GABRA2: variants seen among roughly 807,000 people sequenced by gnomAD.
The protein encoded by GABRA2 is gamma-aminobutyric acid receptor subunit alpha-2.
GABRA2 carries 16 observed loss-of-function variants against 48.7 expected under a neutral mutation model. That is an observed-to-expected ratio of 0.33 (90% CI 0.22 to 0.50). GABRA2 has a LOEUF of 0.50. Among genes scored for constraint, GABRA2 ranks in the 20% least tolerant of loss-of-function variants. The pLI, the probability that GABRA2 is intolerant of heterozygous loss-of-function variation, is 0.98. For missense variants in GABRA2, 275 were observed against 535.6 expected (o/e 0.51, Z 4.80); for synonymous variants, 185 against 184.5 (o/e 1.00, Z -0.02).
intron 8 of GABRA2, among the ~76,000 whole-genome samples, chr4:46,283,010 A>T (rs930282525): frequency 1.3e-5 from 2 of 152,342 alleles, no homozygotes; most frequent in South Asian, 2.1e-4. Flanking sequence ...CCAGGTTTTG[A>T]ACCAAGATAC....
At chr4:46,311,082 T>C (rs1727570501) in intron 5 of GABRA2, among the ~76,000 whole-genome samples, 1 of 152,204 alleles carries the variant, frequency 6.6e-6, no homozygotes, top group East Asian at 1.9e-4. Context: ...TATTCCAAAA[T>C]TATATATGTC....
At chr4:46,290,073 G>A (rs1723328466) in intron 8 of GABRA2, among the ~76,000 whole-genome samples, 1 of 137,362 alleles carries the variant, frequency 7.3e-6, no homozygotes, top group Non-Finnish European at 1.6e-5. Flanking sequence ...CACCGTGCCC[G>A]GCTCATTTTT....
At chr4:46,363,370 A>G (rs1713527024) in intron 3 of GABRA2, among the ~76,000 whole-genome samples, 1 of 152,118 alleles carries the variant, frequency 6.6e-6, no homozygotes. Context: ...AATCAAATAC[A>G]TAGAAGGGCA....
intron 8 of GABRA2, among the ~76,000 whole-genome samples, chr4:46,269,611 G>C (rs1247132173): frequency 6.6e-6 from 1 of 151,644 alleles, no homozygotes; most frequent in African/African-American, 2.4e-5. Flanking sequence ...TATAAACGTA[G>C]TAAAAAAAAT....
At chr4:46,341,431 G>A (rs1336264460) in intron 3 of GABRA2, among the ~76,000 whole-genome samples, 1 of 152,042 alleles carries the variant, frequency 6.6e-6, no homozygotes, top group African/African-American at 2.4e-5. Flanking sequence ...GTATGTTGCT[G>A]TTTGTTGCTG....
intron 4 of GABRA2, among the ~76,000 whole-genome samples, chr4:46,326,449 A>T (rs1054917031): frequency 1.3e-5 from 2 of 151,274 alleles, no homozygotes; most frequent in Non-Finnish European, 2.9e-5. Context: ...CAGATATCTG[A>T]TGAAAGCACA....
chr4:46,294,498 G>A (rs1198898296), intron 8 of GABRA2, among the ~76,000 whole-genome samples: 1 of 152,188 alleles, frequency 6.6e-6, no homozygotes, highest in African/African-American at 2.4e-5. Context: ...CATTTATTGA[G>A]TGACCTGAAA....
At chr4:46,359,546 T>G (rs1042169033) in intron 3 of GABRA2, among the ~76,000 whole-genome samples, 5 of 152,166 alleles carry the variant, frequency 3.3e-5, no homozygotes, top group Admixed American at 6.5e-5. Context: ...GGAAATATCT[T>G]TAGTGAGCTC....
rs1714138644 is a variant in GABRA2, at chr4:46,248,559, T to C, written c.*1749A>G. The C allele has an allele frequency of 6.6e-6, 1 of 151,436 alleles. No individual in the cohort carries two copies. Among genetic ancestry groups the C allele is most frequent in the Non-Finnish European group, 1.5e-5 (1 of 67,632 alleles). The allele number at this position is 151,436 out of a possible 1,614,324, so 9.4% of individuals were successfully genotyped here. A position where few individuals can be genotyped will look rare whatever the true frequency, so the allele number is the denominator to read the frequency against. ...AAATTCCGTTAATAAGTTGCATTTGTGACCTTGGTTTTATACAAGCATGCA... is the reference window on the plus strand; with the variant it reads ...AAATTCCGTTAATAAGTTGCATTTGCGACCTTGGTTTTATACAAGCATGCA... On this transcript the variant is annotated 3_prime_UTR_variant, in exon 10 of 10. Transcript: ENST00000381620.
At position 46,250,163 on chromosome 4, in the gene GABRA2, A is replaced by T. The variant is rs1560424955; in HGVS notation, c.*145T>A. The T allele has an allele frequency of 1.5e-6, 1 of 667,024 alleles. No individual in the cohort carries two copies. Among genetic ancestry groups the T allele is most frequent in the East Asian group, 2.6e-5 (1 of 37,970 alleles). 41.3% of individuals were successfully genotyped at this position (667,024 alleles called of 1,614,324 possible). A position where few individuals can be genotyped will look rare whatever the true frequency, so the allele number is the denominator to read the frequency against. ...CATGAGTTAGCAAATGCATGTCTCC[A>T]TTAAAGGTCTACTGGTAAGCTATGT... is the stretch of plus-strand genomic sequence containing the variant. On this transcript the variant is annotated 3_prime_UTR_variant, in exon 10 of 10. Transcript: ENST00000381620.
intron 3 of GABRA2, among the ~76,000 whole-genome samples, chr4:46,354,663 A>T (rs770525233): frequency 5.6e-4 from 86 of 152,282 alleles, no homozygotes; most frequent in Non-Finnish European, 1.1e-3. Flanking sequence ...AAAATGAGCC[A>T]GGTGGCTTTT....
chr4:46,347,469 G>C (rs1734335642), intron 3 of GABRA2, among the ~76,000 whole-genome samples: 1 of 151,718 alleles, frequency 6.6e-6, no homozygotes, highest in South Asian at 2.1e-4. Context: ...ATTGAACAAA[G>C]GTTTGAAGAA....
At chr4:46,389,341 C>T (rs1717917215) in intron 1 of GABRA2, 4 of 985,420 alleles carry the variant, frequency 4.1e-6, no homozygotes, top group East Asian at 2.3e-4. Flanking sequence ...GTCTTAGAGG[C>T]AGCCGGGTTC....
In GABRA2 at chr4:46,367,739, A is replaced by G. The variant is rs546824267; in HGVS notation, c.187+18335T>C. The G allele has an allele frequency of 3.3e-5, 5 of 152,292 alleles. No homozygotes were observed. The East Asian group carries it at 9.6e-4, about 29-fold the overall frequency. 9.4% of individuals were successfully genotyped at this position (152,292 alleles called of 1,614,324 possible). On this transcript the variant is annotated intron_variant, in intron 3 of 9. Transcript: ENST00000381620. ...AAGTTGCAGAATTATACATCTTGAA[A>G]TGAGATATGACCTGTGTCACCAAAC...
At chr4:46,315,792 C>A (rs1180209231) in intron 4 of GABRA2, among the ~76,000 whole-genome samples, 1 of 151,890 alleles carries the variant, frequency 6.6e-6, no homozygotes, top group Admixed American at 6.6e-5. Context: ...TAACCATCAC[C>A]TAGCAGAAAT....
chr4:46,251,395 AT>A lies in GABRA2; in HGVS notation c.1060-792del, dbSNP rs906862892. ...TCATGGAACTTAGAATGAAAACAAC[AT>A]TTTTTTTTACAATGGCTTCTTTCTT... On this transcript the variant is annotated intron_variant, in intron 9 of 9. Transcript: ENST00000381620. 6.2e-4 allele frequency among the ~76,000 whole-genome samples: 93 copies of A among 150,538 alleles called. 1 individual carries two copies. Among genetic ancestry groups the A allele is most frequent in the African/African-American group, 1.0e-3 (43 of 41,168 alleles).
At chr4:46,347,190 G>C (rs543314391) in intron 3 of GABRA2, among the ~76,000 whole-genome samples, 2 of 151,886 alleles carry the variant, frequency 1.3e-5, no homozygotes, top group African/African-American at 4.8e-5. Context: ...CAGATTCAAT[G>C]CAATTCCTAT....
At chr4:46,351,333 A>C (rs555316840) in intron 3 of GABRA2, among the ~76,000 whole-genome samples, 1 of 152,138 alleles carries the variant, frequency 6.6e-6, no homozygotes, top group East Asian at 1.9e-4. Context: ...AAATAAAGAT[A>C]ACTATTAAAT....
intron 8 of GABRA2, among the ~76,000 whole-genome samples, chr4:46,294,214 A>G (rs1225534796): frequency 6.6e-6 from 1 of 152,230 alleles, no homozygotes; most frequent in Non-Finnish European, 1.5e-5. Context: ...TATATTGATT[A>G]CACTATGCTG....
Sources: allele counts gnomAD v4.1 joint callset (sites outside exome capture counted in the v4.1 genomes callset), GRCh38; gene constraint gnomAD v4.1.1; transcripts MANE v1.5; gene names NCBI Gene and HGNC (gene_info 2026-07-23, HGNC 2026-07-21).